Variants in URB2 observed in about 807,000 individuals in gnomAD.
URB2 encodes unhealthy ribosome biogenesis protein 2 homolog.
In URB2, 86 loss-of-function variants were observed where a neutral mutation model predicts 120.9. The ratio of observed to expected loss-of-function variants is 0.71; its 90% CI spans 0.60 to 0.85. URB2 has a LOEUF of 0.85. Ranked by LOEUF, URB2 falls within the 40% of genes least tolerant of loss-of-function variation. The pLI, the probability that URB2 is intolerant of heterozygous loss-of-function variation, is 0.00. For missense variants in URB2, 1,765 were observed against 1,836.5 expected, an observed-to-expected ratio of 0.96 and a Z score of 0.71; for synonymous variants, 755 against 758.4, an observed-to-expected ratio of 1.00 and a Z score of 0.07.
intron 4 of URB2, among the ~76,000 whole-genome samples, chr1:229,640,482 G>A (rs754286081): frequency 6.6e-6 from 1 of 152,158 alleles, no homozygotes; most frequent in Non-Finnish European, 1.5e-5. Flanking sequence ...CTGGGGTCAG[G>A]TCAGTCTTTT....
chr1:229,628,222 AT>A (rs1665576027), intron 2 of URB2, among the ~76,000 whole-genome samples: 2 of 144,878 alleles, frequency 1.4e-5, no homozygotes, highest in South Asian at 2.1e-4. Flanking sequence ...ACATATACAT[AT>A]TATATATGTA....
At chr1:229,633,130 AG>A in intron 3 of URB2, among the ~76,000 whole-genome samples, 1 of 152,322 alleles carries the variant, frequency 6.6e-6, no homozygotes, top group South Asian at 2.1e-4. Context: ...TGGGCTATGA[AG>A]CCATAACACT....
Position 229,627,694 on chromosome 1 carries a change from G to A in URB2, c.61G>A (p.Asp21Asn). Residue 21 changes from aspartate (D) to asparagine (N), a missense_variant, in exon 2 of 10, where the codon GAT becomes AAT. Transcript: ENST00000258243. ...KLKSKTTSWE[D>N]KLKLAHFAWI... ...TAAAAGCAAGACAACTTCCTGGGAAGATAAACTAAAACTAGCTCACTTTGC... is the reference window on the plus strand; with the variant it reads ...TAAAAGCAAGACAACTTCCTGGGAAAATAAACTAAAACTAGCTCACTTTGC... The A allele has an allele frequency of 6.2e-7, 1 of 1,613,344 alleles. No individual in the cohort carries two copies. The highest frequency in any genetic ancestry group is 8.5e-7 in the Non-Finnish European group (1 of 1,179,624).
chr1:229,628,494 T>C (rs914860850), intron 2 of URB2, among the ~76,000 whole-genome samples: 1 of 152,134 alleles, frequency 6.6e-6, no homozygotes, highest in Non-Finnish European at 1.5e-5. Flanking sequence ...ACTAAGTATA[T>C]GCATTAATGA....
Position 229,635,886 on chromosome 1 carries a change from C to A in URB2, c.1273C>A (p.Pro425Thr), listed in dbSNP as rs751635755. 2 of 1,614,210 alleles carry A rather than the reference C, an allele frequency of 1.2e-6. No individual in the cohort carries two copies. The highest frequency in any genetic ancestry group is 3.3e-5 in the Admixed American group (2 of 60,028). Residue 425 changes from proline (P) to threonine (T), a missense_variant, in exon 4 of 10, where the codon CCA (proline) becomes ACA (threonine). Transcript: ENST00000258243. ...LISLNHLILE[P>T]DLDDLLASAW... Reference sequence around the variant, plus strand: ...ATCTCTGAATCATTTGATTTTGGAGCCAGACCTGGATGACCTGCTGGCTTC... The same window carrying A: ...ATCTCTGAATCATTTGATTTTGGAGACAGACCTGGATGACCTGCTGGCTTC...
chr1:229,635,813 T>G lies in URB2; in HGVS notation c.1200T>G (p.His400Gln), dbSNP rs973346410. ...ACGTGGCTGAGCTGCTGATAAACCA[T>G]GCACAAGCACCCATACCGGCCTGGT... ...YRHVAELLIN[H>Q]AQAPIPAWFR... Residue 400 changes from histidine (H) to glutamine (Q), a missense_variant, in exon 4 of 10, where the codon CAT (histidine) becomes CAG (glutamine). Coordinates refer to ENST00000258243, the MANE Select transcript of URB2 (RefSeq NM_014777.4). 1 of 1,614,144 alleles carries G rather than the reference T, an allele frequency of 6.2e-7. No individual in the cohort carries two copies. Among genetic ancestry groups the G allele is most frequent in the Admixed American group, 1.7e-5 (1 of 60,028 alleles).
chr1:229,651,255 T>G lies in URB2; in HGVS notation c.4170T>G (p.Pro1390=). ...TACAGGTAATGCTGAAAGCCATCCC[T>G]TCTTTCTTGAACTCTTTCAATAGAT... ...CHPKVMLKAI[P]SFLNSFNRLV... Residue 1390 remains proline, a synonymous_variant, in exon 8 of 10, where the codon CCT becomes CCG. Coordinates refer to ENST00000258243, the MANE Select transcript of URB2 (RefSeq NM_014777.4). The G allele has an allele frequency of 6.2e-7, 1 of 1,610,488 alleles. No homozygotes were observed. The highest frequency in any genetic ancestry group is 8.5e-7 in the Non-Finnish European group (1 of 1,178,690).
chr1:229,627,544 A>C, intron 1 of URB2, 77 bp from the exon 2 acceptor site: 3 of 1,429,376 alleles, frequency 2.1e-6, no homozygotes, highest in Non-Finnish European at 2.9e-6. Flanking sequence ...ACAGTACTGC[A>C]ATACTGTTGG....
rs1665880521 is a variant in URB2 at position 229,637,611 on chromosome 1, G to A, written c.2998G>A (p.Val1000Met). 3.1e-6 allele frequency: 5 copies of A among 1,614,184 alleles called. No individual in the cohort carries two copies. The highest frequency in any genetic ancestry group is 4.2e-6 in the Non-Finnish European group (5 of 1,180,012). Residue 1000 changes from valine (V) to methionine (M), a missense_variant, in exon 4 of 10, where the codon GTG (valine) becomes ATG (methionine). Physicochemically the swap from Val to Met is conservative, Grantham distance 21 (BLOSUM62 1). Coordinates refer to ENST00000258243, the MANE Select transcript of URB2 (RefSeq NM_014777.4). Reference protein sequence around the residue: ...DDPAWLEFLQVIGTFLEELMQ... With the variant: ...DDPAWLEFLQMIGTFLEELMQ... Reference sequence around the variant, plus strand: ...TCCCGCTTGGCTGGAATTCCTCCAAGTGATAGGGACGTTCTTAGAGGAGCT... The same window carrying A: ...TCCCGCTTGGCTGGAATTCCTCCAAATGATAGGGACGTTCTTAGAGGAGCT...
chr1:229,635,855 T>C lies in URB2; in HGVS notation c.1242T>C (p.Thr414=). ...PIPAWFRCLK[T]LISLNHLILE... ...CGGCCTGGTTCCGCTGTCTGAAGAC[T>C]TTGATATCTCTGAATCATTTGATTT... The change falls in exon 4 of 10, where the codon ACT becomes ACC. Residue 414 remains threonine, a synonymous_variant. Coordinates refer to ENST00000258243, the MANE Select transcript of URB2 (RefSeq NM_014777.4). The C allele has an allele frequency of 1.2e-6, 2 of 1,614,162 alleles. No homozygotes were observed. Among genetic ancestry groups the C allele is most frequent in the Non-Finnish European group, 1.7e-6 (2 of 1,180,004 alleles).
chr1:229,636,039 G>A lies in URB2; in HGVS notation c.1426G>A (p.Val476Met). The A allele has an allele frequency of 6.2e-7, 1 of 1,614,126 alleles. No individual in the cohort carries two copies. The highest frequency in any genetic ancestry group is 1.1e-5 in the South Asian group (1 of 91,080). The change falls in exon 4 of 10, where the codon GTG becomes ATG. Residue 476 changes from valine to methionine, a missense_variant. Transcript: ENST00000258243. ...VPRLFEEVLG[V>M]ICRPAAEALR... ...ACGGTTGTTTGAAGAGGTTTTGGGG[G>A]TGATCTGTCGTCCAGCTGCTGAGGC...
chr1:229,637,992 G>T lies in URB2; in HGVS notation c.3379G>T (p.Asp1127Tyr). The change falls in exon 4 of 10, where the codon GAC (aspartate) becomes TAC (tyrosine). Residue 1127 changes from aspartate to tyrosine, a missense_variant. Coordinates refer to ENST00000258243, the MANE Select transcript of URB2 (RefSeq NM_014777.4). ...ATCCGTCAGCACGCTCTTGGAAGCC[G>T]ACCTGGGTCAGCACTGCAGGGATGG... The part of the protein sequence containing the change: ...ISSVSTLLEA[D>Y]LGQHCRDGGA... The T allele has an allele frequency of 1.2e-6, 2 of 1,613,576 alleles. No homozygotes were observed. Among genetic ancestry groups the T allele is most frequent in the Non-Finnish European group, 1.7e-6 (2 of 1,179,778 alleles).
chr1:229,639,336 CTT>C (rs200235230), intron 4 of URB2, among the ~76,000 whole-genome samples: 14 of 135,046 alleles, frequency 1.0e-4, no homozygotes, highest in Non-Finnish European at 1.4e-4. Flanking sequence ...CACTTAATTT[CTT>C]TTTTTTTTTT....
Position 229,635,102 on chromosome 1 carries a change from A to C in URB2, c.489A>C (p.Gly163=). 1 of 1,613,984 alleles carries C rather than the reference A, an allele frequency of 6.2e-7. No individual in the cohort carries two copies. Among genetic ancestry groups the C allele is most frequent in the Non-Finnish European group, 8.5e-7 (1 of 1,179,982 alleles). Residue 163 remains glycine, a synonymous_variant, in exon 4 of 10, where the codon GGA becomes GGC. Coordinates refer to ENST00000258243, the MANE Select transcript of URB2 (RefSeq NM_014777.4). The stretch of plus-strand genomic sequence containing the variant: ...GGTCGGCCTGCAGGCAGCCCGAAGG[A>C]GCTGTGGTAGCCCAGTTGTTTGAGG... ...LCWSACRQPE[G]AVVAQLFEVI...
rs776666707 is a variant in URB2, at chr1:229,659,349, A to C, written c.*52A>C. The C allele has an allele frequency of 3.6e-5, 56 of 1,572,140 alleles. No individual in the cohort carries two copies. The highest frequency in any genetic ancestry group is 4.8e-5 in the Non-Finnish European group (55 of 1,147,592). On this transcript the variant is annotated 3_prime_UTR_variant, in exon 10 of 10. Coordinates refer to ENST00000258243, the MANE Select transcript of URB2 (RefSeq NM_014777.4). ...GACACTGTCCAGAGGCTTTGGCTGC[A>C]TGGTCTGAAAGAGCTGGAGAATGAA... is the stretch of plus-strand genomic sequence containing the variant.
In URB2 at chr1:229,629,789, C is replaced by G. The variant is rs1003929292; in HGVS notation, c.126+2030C>G. Reference sequence around the variant, plus strand: ...TTTCATGAAAGACACAGCATTTTACCCACAGTAGAACTTCTTTCTAAATTG... The same window carrying G: ...TTTCATGAAAGACACAGCATTTTACGCACAGTAGAACTTCTTTCTAAATTG... On this transcript the variant is annotated intron_variant, in intron 2 of 9. Transcript: ENST00000258243. Among the ~76,000 whole-genome samples the G allele has an allele frequency of 7.9e-5, 12 of 152,124 alleles. No individual in the cohort carries two copies. The East Asian group carries it at 2.3e-3, about 29-fold the overall frequency.
intron 4 of URB2, among the ~76,000 whole-genome samples, chr1:229,640,745 G>C (rs1244609474): frequency 6.6e-6 from 1 of 152,172 alleles, no homozygotes; most frequent in African/African-American, 2.4e-5. Context: ...TCAGTAACCT[G>C]TCTCTGGCTG....
intron 4 of URB2, among the ~76,000 whole-genome samples, chr1:229,641,212 C>T (rs866365600): frequency 1.3e-5 from 2 of 151,880 alleles, no homozygotes; most frequent in African/African-American, 2.4e-5. Context: ...GGGGTTTTAC[C>T]GTGTTGGCCA....
At chr1:229,628,886 C>T (rs547562557) in intron 2 of URB2, among the ~76,000 whole-genome samples, 23 of 152,290 alleles carry the variant, frequency 1.5e-4, no homozygotes, top group East Asian at 3.9e-4. Flanking sequence ...GCGATGATGA[C>T]GTGTGGTGTG....
Sources: gnomAD v4.1 joint callset for allele counts (sites outside exome capture counted in the v4.1 genomes callset) on GRCh38, gnomAD v4.1.1 for gene constraint, MANE v1.5 for transcripts, NCBI Gene and HGNC (gene_info 2026-07-23, HGNC 2026-07-21) for gene names.